Variants in MED13L observed in about 807,000 individuals in gnomAD.
The protein encoded by MED13L is mediator of RNA polymerase II transcription subunit 13-like.
MED13L carries 7 observed loss-of-function variants against 220.9 expected under a neutral mutation model. The ratio of observed to expected loss-of-function variants is 0.03; its 90% CI spans 0.02 to 0.06. The LOEUF is 0.06. Among genes scored for constraint, MED13L ranks in the 10% least tolerant of loss-of-function variants. The pLI is 1.00. For missense variants in MED13L, 1,965 were observed against 2,760.5 expected (o/e 0.71, Z 6.46); for synonymous variants, 1,011 against 1,015.2 (o/e 1.00, Z 0.08).
chr12:116,130,060 C>T (rs1317335943), intron 2 of MED13L, among the ~76,000 whole-genome samples: 1 of 152,152 alleles, frequency 6.6e-6, no homozygotes, highest in Non-Finnish European at 1.5e-5. Context: ...CTATAACAGA[C>T]CCTTGATATC....
At chr12:116,158,525 ATATT>A (rs1322832626) in intron 2 of MED13L, among the ~76,000 whole-genome samples, 1 of 152,228 alleles carries the variant, frequency 6.6e-6, no homozygotes, top group Non-Finnish European at 1.5e-5. Flanking sequence ...CGATTTGGTG[ATATT>A]TAAACAATAC....
intron 23 of MED13L, chr12:115,980,343 C>A: frequency 5.5e-6 from 1 of 181,656 alleles, no homozygotes; most frequent in Non-Finnish European, 1.2e-5. Flanking sequence ...GTTTTTATTC[C>A]CCCCTGAGAC....
In MED13L at chr12:116,237,797, A is replaced by T. The variant is rs765703380; in HGVS notation, c.73-92T>A. The T allele has an allele frequency of 2.7e-6, 3 of 1,096,802 alleles. No homozygotes were observed. In the East Asian group the frequency reaches 7.1e-5, roughly 26 times the overall value. 67.9% of individuals were successfully genotyped at this position (1,096,802 alleles called of 1,614,324 possible). ...CATACAGAAAAGCAATTGTGCTAAA[A>T]TAAATATTTACACGAAACTTCATAT... On this transcript the variant is annotated intron_variant, in intron 1 of 30. Transcript: ENST00000281928.
rs138234485 is a variant in MED13L at position 115,972,236 on chromosome 12, T to C, written c.5732A>G (p.Asp1911Gly). 1.2e-6 allele frequency: 2 copies of C among 1,613,204 alleles called. No individual in the cohort carries two copies. Among genetic ancestry groups the C allele is most frequent in the African/African-American group, 2.7e-5 (2 of 74,912 alleles). The part of the protein sequence containing the change: ...LGRLGHGELK[D>G]WSILLGECSL... ...ACATTCTCCAAGGAGGATACTCCAA[T>C]CTGAAATCAAATATCGCAGTCATAC... Residue 1911 changes from aspartate to glycine, a missense_variant and splice_region_variant, in exon 26 of 31, where the codon GAT becomes GGT. Transcript: ENST00000281928.
chr12:116,093,627 A>AGAAATT (rs1473510011), intron 4 of MED13L, among the ~76,000 whole-genome samples: 18 of 152,028 alleles, frequency 1.2e-4, no homozygotes, highest in Non-Finnish European at 1.5e-5. Context: ...ATGCAGTATG[A>AGAAATT]GAAATTAGTA....
chr12:116,268,682 G>A (rs1047465935), intron 1 of MED13L, among the ~76,000 whole-genome samples: 7 of 151,310 alleles, frequency 4.6e-5, no homozygotes, highest in African/African-American at 1.7e-4. Context: ...TTTTAAGGGA[G>A]AAGAAAAGAT....
At chr12:116,052,936 TTAATAG>T (rs1167714333) in intron 4 of MED13L, among the ~76,000 whole-genome samples, 1 of 152,184 alleles carries the variant, frequency 6.6e-6, no homozygotes, top group Non-Finnish European at 1.5e-5. Flanking sequence ...GGGCAACATA[TTAATAG>T]TAAGTCATGT....
intron 2 of MED13L, among the ~76,000 whole-genome samples, chr12:116,141,797 T>C (rs187015599): frequency 6.6e-6 from 1 of 152,144 alleles, no homozygotes; most frequent in Admixed American, 6.5e-5. Context: ...AATGGTTAAG[T>C]TAGCTCACTC....
At chr12:116,077,792 TA>T (rs1870918144) in intron 4 of MED13L, among the ~76,000 whole-genome samples, 1 of 152,150 alleles carries the variant, frequency 6.6e-6, no homozygotes, top group Admixed American at 6.5e-5. Flanking sequence ...CCAAATAACT[TA>T]AATAGGACAG....
At chr12:115,970,351 C>G (rs1876496265) in intron 27 of MED13L, among the ~76,000 whole-genome samples, 1 of 152,020 alleles carries the variant, frequency 6.6e-6, no homozygotes, top group African/African-American at 2.4e-5. Context: ...TTATTTTTTG[C>G]CTTTAATGAA....
Position 116,277,156 on chromosome 12 carries a change from G to A in MED13L, c.-25C>T, listed in dbSNP as rs1243220907. On this transcript the variant is annotated 5_prime_UTR_variant, in exon 1 of 31. Transcript: ENST00000281928. ...TGATCCTCCGCGAGCCCGGCCGCCA[G>A]AGCGGGGCATGTCGGAGCGAGGCGT... 1.9e-6 allele frequency: 3 copies of A among 1,552,258 alleles called. No individual in the cohort carries two copies. Among genetic ancestry groups the A allele is most frequent in the East Asian group, 2.4e-5 (1 of 41,614 alleles).
In MED13L at chr12:116,120,477, T is replaced by TCTCACACA. The variant is rs1257256737; in HGVS notation, c.311-8966_311-8965insTGTGTGAG. ...CTCTCTCTCTCTCTCTCTCTCTCTC[T>TCTCACACA]CACACACACACACACACACACACAC... On this transcript the variant is annotated intron_variant, in intron 2 of 30. Coordinates refer to ENST00000281928, the MANE Select transcript of MED13L (RefSeq NM_015335.5). Among the ~76,000 whole-genome samples the TCTCACACA allele has an allele frequency of 2.5e-4, 20 of 79,470 alleles. 1 individual carries two copies. The highest frequency in any genetic ancestry group is 3.3e-4 in the Non-Finnish European group (14 of 42,364). 52.1% of individuals were successfully genotyped at this position (79,470 alleles called of 152,430 possible).
intron 4 of MED13L, among the ~76,000 whole-genome samples, chr12:116,059,203 G>C (rs1173307487): frequency 6.6e-6 from 1 of 152,118 alleles, no homozygotes; most frequent in South Asian, 2.1e-4. Flanking sequence ...AAGTGGTTGG[G>C]ACTACAGGCA....
At chr12:116,255,913 A>C (rs1872000694) in intron 1 of MED13L, among the ~76,000 whole-genome samples, 2 of 152,234 alleles carry the variant, frequency 1.3e-5, no homozygotes, top group South Asian at 4.1e-4. Context: ...TTAAATTTTC[A>C]GAGTAGGGAC....
intron 23 of MED13L, among the ~76,000 whole-genome samples, chr12:115,978,598 A>C (rs1877117817): frequency 6.6e-6 from 1 of 152,150 alleles, no homozygotes; most frequent in Admixed American, 6.5e-5. Flanking sequence ...AAGTGTTGGG[A>C]TTATAGGCAT....
chr12:116,001,170 G>A (rs1180479843), intron 14 of MED13L, among the ~76,000 whole-genome samples: 1 of 152,004 alleles, frequency 6.6e-6, no homozygotes, highest in Non-Finnish European at 1.5e-5. Flanking sequence ...TGTTTCTACT[G>A]GACAGTGTTG....
intron 1 of MED13L, among the ~76,000 whole-genome samples, chr12:116,249,341 G>A (rs1217187303): frequency 6.6e-6 from 1 of 152,034 alleles, no homozygotes; most frequent in Non-Finnish European, 1.5e-5. Context: ...ATAATAATAG[G>A]CTGATCTTAT....
chr12:116,151,270 CA>C (rs1878017027), intron 2 of MED13L, among the ~76,000 whole-genome samples: 1 of 152,076 alleles, frequency 6.6e-6, no homozygotes, highest in South Asian at 2.1e-4. Flanking sequence ...CGTCAATTTT[CA>C]TATATAATTG....
intron 4 of MED13L, among the ~76,000 whole-genome samples, chr12:116,061,363 T>G (rs1869465271): frequency 6.6e-6 from 1 of 152,284 alleles, no homozygotes; most frequent in South Asian, 2.1e-4. Flanking sequence ...AAATTCTCAA[T>G]TTCTCAACAC....
Sources: gnomAD v4.1 joint callset for allele counts (sites outside exome capture counted in the v4.1 genomes callset) on GRCh38, gnomAD v4.1.1 for gene constraint, MANE v1.5 for transcripts, NCBI Gene and HGNC (gene_info 2026-07-23, HGNC 2026-07-21) for gene names.